DMD: variants seen among roughly 807,000 people sequenced by gnomAD.
DMD encodes the protein mutant dystrophin.
In DMD, 63 loss-of-function variants were observed where a neutral mutation model predicts 330.1. That is an observed-to-expected ratio of 0.19 (90% CI 0.16 to 0.24). The LOEUF (loss-of-function observed/expected upper bound fraction) is 0.24, where lower values mean the gene tolerates loss of function less well. Among genes scored for constraint, DMD ranks in the 10% least tolerant of loss-of-function variants. The pLI is 1.00. For synonymous variants in DMD, 1,223 were observed against 959.8 expected (o/e 1.27, Z -5.07); for missense variants, 3,344 against 2,684.1 (o/e 1.25, Z -5.43).
At chrX:31,910,453 T>C (rs2094533231) in intron 47 of DMD, among the ~76,000 whole-genome samples, 1 of 112,324 alleles carries the variant, frequency 8.9e-6, no homozygotes, top group Admixed American at 9.5e-5. Flanking sequence ...CTGAGGAATC[T>C]TTAACTCTCC....
chrX:31,779,606 A>G (rs964349658), intron 50 of DMD, among the ~76,000 whole-genome samples: 4 of 111,545 alleles, frequency 3.6e-5, no homozygotes, highest in Non-Finnish European at 7.5e-5. Context: ...TTTTTGCTCA[A>G]TCACCTTATG....
intron 60 of DMD, among the ~76,000 whole-genome samples, chrX:31,409,033 G>T (rs1023354664): frequency 9.0e-6 from 1 of 111,123 alleles, no homozygotes. Context: ...AGAACATGGG[G>T]TGTTTGGTTT....
rs762387608 is a variant in DMD, at chrX:32,373,164, G to GC, written c.4845+7345dup. Among the ~76,000 whole-genome samples, 100 of 108,494 alleles carry GC rather than the reference G, an allele frequency of 9.2e-4. 1 individual carries two copies. Among genetic ancestry groups the GC allele is most frequent in the African/African-American group, 3.2e-3 (97 of 30,437 alleles). 94.2% of individuals were successfully genotyped at this position (108,494 alleles called of 115,157 possible). ...ACCCAGTATCTTTTGGAAGGGCTAT[G>GC]CATTCTAGTATCTATGGTTTGGAAT... On this transcript the variant is annotated intron_variant, in intron 34 of 78. Coordinates refer to ENST00000357033, the MANE Select transcript of DMD (RefSeq NM_004006.3).
chrX:31,352,971 T>G (rs2058504171), intron 60 of DMD, among the ~76,000 whole-genome samples: 1 of 111,899 alleles, frequency 8.9e-6, no homozygotes, highest in Non-Finnish European at 1.9e-5. Flanking sequence ...TACCGTGGTA[T>G]ATACAAAACA....
chrX:32,321,973 G>C (rs1388700510), intron 41 of DMD, among the ~76,000 whole-genome samples: 1 of 111,045 alleles, frequency 9.0e-6, no homozygotes, highest in African/African-American at 3.3e-5. Context: ...AATAACAATA[G>C]ACAACTTAGA....
intron 2 of DMD, among the ~76,000 whole-genome samples, chrX:32,912,422 G>T (rs1338533806): frequency 3.6e-5 from 4 of 111,056 alleles, no homozygotes; most frequent in African/African-American, 1.3e-4. Flanking sequence ...GAGTATACCA[G>T]AGGGCACATA....
rs2147580735 is a variant in DMD, at chrX:32,697,903, G to A, written c.927C>T (p.Thr309=). 1.2e-5 allele frequency: 15 copies of A among 1,210,353 alleles called. No homozygotes were observed. Among genetic ancestry groups the A allele is most frequent in the Non-Finnish European group, 1.6e-5 (14 of 894,912 alleles). ...YAYTQAAYVT[T]SDPTRSPFPS... ...GAAATGGGCTCCGTGTAGGGTCAGA[G>A]GTGGTGACATAAGCAGCCTGTGTGT... is the stretch of plus-strand genomic sequence containing the variant. The change falls in exon 9 of 79, where the codon ACC becomes ACT. Residue 309 remains threonine, a synonymous_variant. Coordinates refer to ENST00000357033, the MANE Select transcript of DMD (RefSeq NM_004006.3).
At chrX:32,722,449 G>C (rs1203757336) in intron 7 of DMD, among the ~76,000 whole-genome samples, 1 of 110,326 alleles carries the variant, frequency 9.1e-6, no homozygotes, top group Non-Finnish European at 1.9e-5. Flanking sequence ...ATGCCATTTT[G>C]TATAAGGGAT....
intron 1 of DMD, among the ~76,000 whole-genome samples, chrX:33,023,828 T>C (rs1305154217): frequency 9.0e-6 from 1 of 111,552 alleles, no homozygotes; most frequent in Non-Finnish European, 1.9e-5. Context: ...TATAGTTTCA[T>C]AGAGTTCACT....
chrX:32,027,482 T>C lies in DMD; in HGVS notation c.6439-58968A>G, dbSNP rs753238674. ...ACCTGGATTCTTTCCTAATACCCCT[T>C]GGTTTGTAGTTCTCATTATCAGCAT... On this transcript the variant is annotated intron_variant, in intron 44 of 78. Coordinates refer to ENST00000357033, the MANE Select transcript of DMD (RefSeq NM_004006.3). 1.1e-3 allele frequency among the ~76,000 whole-genome samples: 127 copies of C among 111,305 alleles called. 1 individual carries two copies. The highest frequency in any genetic ancestry group is 2.0e-3 in the Admixed American group (21 of 10,493).
intron 30 of DMD, among the ~76,000 whole-genome samples, chrX:32,394,931 A>AAACAAAACAAAAC: frequency 1.1e-5 from 1 of 90,166 alleles, no homozygotes; most frequent in Admixed American, 1.3e-4. Flanking sequence ...AAAAAAAAAA[A>AAACAAAACAAAAC]AAGAAAAGAA....
intron 9 of DMD, among the ~76,000 whole-genome samples, chrX:32,674,633 C>A (rs2061850871): frequency 9.0e-6 from 1 of 111,139 alleles, no homozygotes; most frequent in Admixed American, 9.7e-5. Context: ...TCAGGCCAGG[C>A]ATATGATCTA....
chrX:32,873,432 G>A (rs183276220), intron 2 of DMD, among the ~76,000 whole-genome samples: 54 of 110,738 alleles, frequency 4.9e-4, no homozygotes, highest in African/African-American at 1.4e-3. Context: ...GGATGAGCCC[G>A]TTATGACATG....
At chrX:32,502,510 A>C (rs2044158432) in intron 18 of DMD, among the ~76,000 whole-genome samples, 1 of 111,984 alleles carries the variant, frequency 8.9e-6, no homozygotes, top group African/African-American at 3.2e-5. Context: ...ATTTCATACT[A>C]TTGAGTTTAG....
chrX:32,112,042 T>C (rs1044335822), intron 44 of DMD, among the ~76,000 whole-genome samples: 1 of 112,186 alleles, frequency 8.9e-6, no homozygotes, highest in African/African-American at 3.3e-5. Context: ...AGCTGATTTA[T>C]TGGCATAGAA....
At chrX:32,516,205 T>G (rs3805057) in intron 18 of DMD, among the ~76,000 whole-genome samples, 1,150 of 111,988 alleles carry the variant, frequency 0.01, 37 homozygotes, top group East Asian at 0.1. Context: ...AATGGATACC[T>G]AAACTGAATA....
chrX:32,617,126 C>T (rs1340990597), intron 11 of DMD, among the ~76,000 whole-genome samples: 1 of 110,211 alleles, frequency 9.1e-6, no homozygotes, highest in Non-Finnish European at 1.9e-5. Context: ...TGAGTTCACC[C>T]AATACAATGC....
intron 18 of DMD, among the ~76,000 whole-genome samples, chrX:32,513,282 T>G (rs2045529257): frequency 8.9e-6 from 1 of 112,377 alleles, no homozygotes; most frequent in Admixed American, 9.4e-5. Context: ...TGATTTTATC[T>G]TTCTCAAATG....
rs981249823 is a variant in DMD, at chrX:32,748,257, T to A, written c.650-48964A>T. ...ACTCGGGGAGGCTGAGGCAGGAGAATTGCTTGAACCCGGGAGGCAGCGGTA... is the reference window on the plus strand; with the variant it reads ...ACTCGGGGAGGCTGAGGCAGGAGAAATGCTTGAACCCGGGAGGCAGCGGTA... On this transcript the variant is annotated intron_variant, in intron 7 of 78. Transcript: ENST00000357033. Among the ~76,000 whole-genome samples the A allele has an allele frequency of 2.8e-5, 3 of 107,715 alleles. No individual in the cohort carries two copies. The Admixed American group carries it at 3.0e-4, about 11-fold the overall frequency. 93.5% of individuals were successfully genotyped at this position (107,715 alleles called of 115,157 possible).
Sources: gnomAD v4.1 joint callset for allele counts (sites outside exome capture counted in the v4.1 genomes callset) on GRCh38, gnomAD v4.1.1 for gene constraint, MANE v1.5 for transcripts, NCBI Gene and HGNC (gene_info 2026-07-23, HGNC 2026-07-21) for gene names.